MPPED1: variants seen among roughly 807,000 people sequenced by gnomAD.
MPPED1 encodes the protein metallophosphoesterase domain-containing protein 1.
MPPED1 carries 16 observed loss-of-function variants against 36.2 expected under a neutral mutation model. The observed-to-expected ratio is 0.44, with a 90% confidence interval of 0.30 to 0.67. The LOEUF (loss-of-function observed/expected upper bound fraction) is 0.67. Ranked by LOEUF, MPPED1 falls within the 30% of genes least tolerant of loss-of-function variation. The pLI is 0.10. For missense variants in MPPED1, 307 were observed against 453.4 expected, an observed-to-expected ratio of 0.68 and a Z score of 2.93; for synonymous variants, 199 against 191.3, an observed-to-expected ratio of 1.04 and a Z score of -0.33.
At chr22:43,454,531 C>G (rs1002700420) in intron 3 of MPPED1, among the ~76,000 whole-genome samples, 4 of 151,948 alleles carry the variant, frequency 2.6e-5, no homozygotes, top group African/African-American at 9.7e-5. Context: ...TCTTGAACTC[C>G]TGGCTTCAAG....
intron 2 of MPPED1, among the ~76,000 whole-genome samples, chr22:43,431,632 C>A (rs1235603010): frequency 1.3e-5 from 2 of 152,172 alleles, no homozygotes; most frequent in Non-Finnish European, 2.9e-5. Flanking sequence ...GACAAGTCAG[C>A]CTTTTCTGAG....
chr22:43,500,565 C>T (rs187220227), intron 5 of MPPED1, among the ~76,000 whole-genome samples: 1 of 151,964 alleles, frequency 6.6e-6, no homozygotes, highest in East Asian at 1.9e-4. Context: ...CTCTGTGACC[C>T]TCTGTGGTTC....
At chr22:43,433,287 T>C (rs1396004207) in intron 2 of MPPED1, among the ~76,000 whole-genome samples, 5 of 152,158 alleles carry the variant, frequency 3.3e-5, no homozygotes, top group Admixed American at 6.5e-5. Context: ...TCAAAGGTGC[T>C]GGCTGTATTG....
intron 2 of MPPED1, among the ~76,000 whole-genome samples, chr22:43,426,503 G>C (rs1239302516): frequency 6.6e-6 from 1 of 152,206 alleles, no homozygotes; most frequent in African/African-American, 2.4e-5. Flanking sequence ...CCGCCTCTGG[G>C]GCTGTGATCT....
At chr22:43,493,472 AGCCC>A (rs1932163603) in intron 4 of MPPED1, among the ~76,000 whole-genome samples, 1 of 152,152 alleles carries the variant, frequency 6.6e-6, no homozygotes, top group Non-Finnish European at 1.5e-5. Context: ...GCAATGGCAA[AGCCC>A]ACCCCTCCCC....
chr22:43,467,208 G>A (rs796571788), intron 3 of MPPED1, among the ~76,000 whole-genome samples: 6 of 152,342 alleles, frequency 3.9e-5, no homozygotes, highest in African/African-American at 1.4e-4. Context: ...ACCCCTTGCT[G>A]CACTGCCTTT....
At chr22:43,486,184 C>A (rs1490970111) in intron 4 of MPPED1, among the ~76,000 whole-genome samples, 1 of 152,242 alleles carries the variant, frequency 6.6e-6, no homozygotes, top group Non-Finnish European at 1.5e-5. Context: ...ACTTGGGAAC[C>A]AGGCACGTCT....
chr22:43,442,637 C>T (rs1054020048), intron 3 of MPPED1, among the ~76,000 whole-genome samples: 1 of 152,202 alleles, frequency 6.6e-6, no homozygotes, highest in Non-Finnish European at 1.5e-5. Flanking sequence ...AGGCCTCATG[C>T]TGGCTCTGTC....
intron 2 of MPPED1, among the ~76,000 whole-genome samples, chr22:43,430,581 G>A (rs1188069633): frequency 2.0e-5 from 3 of 152,166 alleles, no homozygotes; most frequent in Admixed American, 1.3e-4. Flanking sequence ...GTGTAGGCTG[G>A]GGAGAGCTTG....
At chr22:43,484,820 C>T (rs912647124) in intron 4 of MPPED1, among the ~76,000 whole-genome samples, 17 of 152,204 alleles carry the variant, frequency 1.1e-4, no homozygotes, top group African/African-American at 3.4e-4. Flanking sequence ...CCAGCTGGTA[C>T]GTGCCATGGA....
At chr22:43,418,126 G>C (rs1467251552) in intron 1 of MPPED1, 1 of 456,222 alleles carries the variant, frequency 2.2e-6, no homozygotes, top group Non-Finnish European at 4.4e-6. Context: ...GGTGTGTTCT[G>C]GGGATGGCTG....
chr22:43,417,544 TA>T (rs1325956682), intron 1 of MPPED1: 1 of 152,510 alleles, frequency 6.6e-6, no homozygotes, highest in Non-Finnish European at 1.5e-5. Context: ...AAATATGATT[TA>T]AAAGTGATTT....
chr22:43,418,287 C>G, intron 1 of MPPED1: 1 of 382,108 alleles, frequency 2.6e-6, no homozygotes. Flanking sequence ...GTTTGAGAGG[C>G]CTGTGTTGGC....
At chr22:43,424,254 C>T (rs1929376544) in intron 1 of MPPED1, among the ~76,000 whole-genome samples, 1 of 152,194 alleles carries the variant, frequency 6.6e-6, no homozygotes, top group African/African-American at 2.4e-5. Context: ...TCCTCCCTCA[C>T]CATCTCTGCC....
At chr22:43,468,660 G>A (rs112811828) in intron 3 of MPPED1, among the ~76,000 whole-genome samples, 11 of 152,286 alleles carry the variant, frequency 7.2e-5, no homozygotes, top group African/African-American at 2.6e-4. Flanking sequence ...AGAGCTACAG[G>A]CCTCTTGGTG....
intron 3 of MPPED1, among the ~76,000 whole-genome samples, chr22:43,450,976 T>G (rs1930544522): frequency 6.6e-6 from 1 of 151,914 alleles, no homozygotes; most frequent in African/African-American, 2.4e-5. Flanking sequence ...TCTGCCCACC[T>G]TGGCCTACCA....
chr22:43,454,166 G>A (rs1370753686), intron 3 of MPPED1, among the ~76,000 whole-genome samples: 5 of 151,942 alleles, frequency 3.3e-5, no homozygotes, highest in African/African-American at 7.2e-5. Context: ...CCACCACCAC[G>A]CCTGGCTAAT....
intron 5 of MPPED1, among the ~76,000 whole-genome samples, chr22:43,499,267 T>C (rs1932538263): frequency 7.1e-6 from 1 of 141,574 alleles, no homozygotes; most frequent in Non-Finnish European, 1.6e-5. Context: ...GAGGTGGTGG[T>C]GATGGTGATG....
intron 3 of MPPED1, among the ~76,000 whole-genome samples, chr22:43,455,058 T>A (rs1205010696): frequency 1.3e-5 from 2 of 151,756 alleles, no homozygotes; most frequent in Non-Finnish European, 2.9e-5. Context: ...GGCTTGCAGA[T>A]GGCTGTCTTC....
Sources: allele counts gnomAD v4.1 joint callset (sites outside exome capture counted in the v4.1 genomes callset), GRCh38; gene constraint gnomAD v4.1.1; transcripts MANE v1.5; gene names NCBI Gene and HGNC (gene_info 2026-07-23, HGNC 2026-07-21).